The following VWA3B variants were observed in gnomAD, a reference collection of about 807,000 sequenced individuals.
VWA3B encodes von Willebrand factor A domain-containing protein 3B.
A neutral mutation model predicts 158.3 loss-of-function variants in VWA3B; 138 were observed. The observed-to-expected ratio is 0.87, with a 90% confidence interval of 0.76 to 1.00. The LOEUF is 1.00. Ranked by LOEUF, VWA3B falls within the 50% of genes least tolerant of loss-of-function variation. The pLI is 0.00. For missense variants in VWA3B, 1,555 were observed against 1,565.1 expected (o/e 0.99, Z 0.11); for synonymous variants, 596 against 587.3 (o/e 1.01, Z -0.21).
At chr2:98,319,855 G>A in the VWA3B span, among the ~76,000 whole-genome samples, 1 of 149,192 alleles carries the variant, frequency 6.7e-6, no homozygotes, top group Non-Finnish European at 1.5e-5. Context: ...ACTCCAACCT[G>A]GGTGACAGAG....
At chr2:98,211,366 A>G (rs1429585983) in intron 12 of VWA3B, among the ~76,000 whole-genome samples, 2 of 152,224 alleles carry the variant, frequency 1.3e-5, no homozygotes, top group Non-Finnish European at 1.5e-5. Context: ...ATTAATATGT[A>G]TCTAAAAATC....
intron 7 of VWA3B, among the ~76,000 whole-genome samples, chr2:98,139,755 G>A (rs183777610): frequency 6.6e-6 from 1 of 152,266 alleles, no homozygotes; most frequent in Admixed American, 6.5e-5. Flanking sequence ...TGTCAAAACA[G>A]ACCACTCGGC....
chr2:98,251,010 G>A (rs1393727141), intron 20 of VWA3B, among the ~76,000 whole-genome samples: 1 of 152,088 alleles, frequency 6.6e-6, no homozygotes, highest in African/African-American at 2.4e-5. Flanking sequence ...TGAGAAGGGA[G>A]TTACTTGAGC....
intron 3 of VWA3B, among the ~76,000 whole-genome samples, chr2:98,116,124 C>G (rs899285036): frequency 6.6e-6 from 1 of 152,202 alleles, no homozygotes; most frequent in African/African-American, 2.4e-5. Flanking sequence ...AGAATGAGCA[C>G]CACCTCTGAC....
rs1025456332 is a variant in VWA3B, at chr2:98,255,796, C to T, written c.2793-328C>T. 8.5e-5 allele frequency among the ~76,000 whole-genome samples: 13 copies of T among 152,122 alleles called. No individual in the cohort carries two copies. In the East Asian group the frequency reaches 1.5e-3, roughly 18 times the overall value. On this transcript the variant is annotated intron_variant, in intron 20 of 27. Coordinates refer to ENST00000477737, the MANE Select transcript of VWA3B (RefSeq NM_144992.5). ...GAACTAAAGAGCACAGTTATGTTCC[C>T]GTAAGAAGAAAAATGGTGGGTGTTT... is the stretch of plus-strand genomic sequence containing the variant.
chr2:98,323,082 A>C, the VWA3B span, among the ~76,000 whole-genome samples: 4 of 152,256 alleles, frequency 2.6e-5, no homozygotes, highest in African/African-American at 9.6e-5. Context: ...TTTAGTAGGC[A>C]TGCAAAGAAA....
intron 14 of VWA3B, among the ~76,000 whole-genome samples, chr2:98,222,343 A>C (rs1199965283): frequency 2.0e-5 from 3 of 152,220 alleles, no homozygotes; most frequent in Non-Finnish European, 4.4e-5. Context: ...AGTGAAAGTG[A>C]AATTGATCTG....
intron 6 of VWA3B, among the ~76,000 whole-genome samples, chr2:98,130,806 A>G (rs1675804941): frequency 6.6e-6 from 1 of 152,210 alleles, no homozygotes; most frequent in Admixed American, 6.5e-5. Context: ...AGACACAGTA[A>G]CAATCTGATC....
intron 6 of VWA3B, among the ~76,000 whole-genome samples, chr2:98,130,354 T>TTCAACTGCAAAGAGG (rs1452530649): frequency 6.6e-6 from 1 of 152,102 alleles, no homozygotes; most frequent in Non-Finnish European, 1.5e-5. Flanking sequence ...AGCCTTCCTC[T>TTCAACTGCAAAGAGG]TATCTCAACT....
chr2:98,139,308 G>A (rs1412576214), intron 7 of VWA3B, among the ~76,000 whole-genome samples: 1 of 152,228 alleles, frequency 6.6e-6, no homozygotes, highest in African/African-American at 2.4e-5. Context: ...CTCCTGTGCA[G>A]CCCAAGCCTC....
At chr2:98,144,566 CTTT>C (rs34924678) in intron 7 of VWA3B, among the ~76,000 whole-genome samples, 2 of 143,906 alleles carry the variant, frequency 1.4e-5, no homozygotes. Context: ...TTCTTTCTTT[CTTT>C]TTTTTTTTTT....
At chr2:98,277,013 T>C (rs1214587871) in intron 22 of VWA3B, among the ~76,000 whole-genome samples, 1 of 152,244 alleles carries the variant, frequency 6.6e-6, no homozygotes, top group East Asian at 1.9e-4. Context: ...CTTTTTATGC[T>C]CCAGCTTCCA....
chr2:98,163,420 C>T (rs912492773), intron 8 of VWA3B, among the ~76,000 whole-genome samples: 1 of 152,094 alleles, frequency 6.6e-6, no homozygotes, highest in Non-Finnish European at 1.5e-5. Flanking sequence ...TGCCTGTAAT[C>T]CCAGCTACTC....
At chr2:98,196,394 C>T (rs1005043307) in intron 12 of VWA3B, among the ~76,000 whole-genome samples, 1 of 152,086 alleles carries the variant, frequency 6.6e-6, no homozygotes, top group Non-Finnish European at 1.5e-5. Flanking sequence ...TTTTATTTGT[C>T]AATTAAAAGT....
At chr2:98,167,884 G>C (rs1679224545) in intron 8 of VWA3B, among the ~76,000 whole-genome samples, 1 of 152,174 alleles carries the variant, frequency 6.6e-6, no homozygotes, top group African/African-American at 2.4e-5. Flanking sequence ...CCTCAGTCAT[G>C]GGGAATAATT....
At chr2:98,323,876 A>C in the VWA3B span, among the ~76,000 whole-genome samples, 391 of 152,358 alleles carry the variant, frequency 2.6e-3, 1 homozygote, top group Admixed American at 4.2e-3. Flanking sequence ...CAGTATATTC[A>C]AATAAATTCT....
At chr2:98,307,028 T>A (rs1184050712) in intron 26 of VWA3B, among the ~76,000 whole-genome samples, 2 of 152,232 alleles carry the variant, frequency 1.3e-5, no homozygotes, top group East Asian at 1.9e-4. Flanking sequence ...TGATTTTGTG[T>A]CTGAGCTGGG....
chr2:98,300,028 T>C (rs913369044), intron 24 of VWA3B, 51 bp from the exon 25 acceptor site: 1 of 1,608,842 alleles, frequency 6.2e-7, no homozygotes, highest in Non-Finnish European at 8.5e-7. Flanking sequence ...TATGTTAACA[T>C]TGTCTGTACA....
chr2:98,241,736 G>A (rs1431111939), intron 19 of VWA3B, among the ~76,000 whole-genome samples: 3 of 152,010 alleles, frequency 2.0e-5, no homozygotes, highest in Admixed American at 6.5e-5. Context: ...CATCCCATGG[G>A]CACTTGTGCT....
Sources: gnomAD v4.1 joint callset for allele counts (sites outside exome capture counted in the v4.1 genomes callset) on GRCh38, gnomAD v4.1.1 for gene constraint, MANE v1.5 for transcripts, NCBI Gene and HGNC (gene_info 2026-07-23, HGNC 2026-07-21) for gene names.